Variants in HS6ST3 observed in about 807,000 individuals in gnomAD.
HS6ST3 encodes heparan-sulfate 6-O-sulfotransferase 3.
Under a neutral mutation model 36.7 loss-of-function variants are expected in HS6ST3, and 12 were observed. The ratio of observed to expected loss-of-function variants is 0.33; its 90% CI spans 0.21 to 0.53. HS6ST3 has a LOEUF of 0.53. Ranked by LOEUF, HS6ST3 falls within the 20% of genes least tolerant of loss-of-function variation. The pLI is 0.95. For missense variants in HS6ST3, 584 were observed against 640.9 expected (o/e 0.91, Z 0.96); for synonymous variants, 240 against 257.5 (o/e 0.93, Z 0.65).
intron 1 of HS6ST3, among the ~76,000 whole-genome samples, chr13:96,811,012 C>T (rs781667922): frequency 2.0e-5 from 3 of 152,058 alleles, no homozygotes; most frequent in African/African-American, 4.8e-5. Flanking sequence ...GATCCCCCCT[C>T]CCCCCAACTC....
intron 1 of HS6ST3, among the ~76,000 whole-genome samples, chr13:96,274,374 G>A (rs2054737274): frequency 1.3e-5 from 2 of 152,094 alleles, no homozygotes; most frequent in South Asian, 2.1e-4. Context: ...TAGGACCAAG[G>A]CAGTTTCCCT....
At chr13:96,375,180 A>G (rs986180478) in intron 1 of HS6ST3, among the ~76,000 whole-genome samples, 1 of 151,884 alleles carries the variant, frequency 6.6e-6, no homozygotes, top group African/African-American at 2.4e-5. Context: ...CTCACTCCAG[A>G]CTTAGCCAAA....
At chr13:96,549,246 T>A (rs2056209741) in intron 1 of HS6ST3, among the ~76,000 whole-genome samples, 1 of 152,194 alleles carries the variant, frequency 6.6e-6, no homozygotes. Flanking sequence ...TAAAAATGAT[T>A]CCTGGATGTG....
chr13:96,190,023 A>G (rs1483887699), intron 1 of HS6ST3, among the ~76,000 whole-genome samples: 2 of 152,172 alleles, frequency 1.3e-5, no homozygotes, highest in African/African-American at 2.4e-5. Flanking sequence ...AAAAATTCAT[A>G]ATATATTATA....
chr13:96,281,738 T>C (rs367949458), intron 1 of HS6ST3, among the ~76,000 whole-genome samples: 1 of 152,142 alleles, frequency 6.6e-6, no homozygotes, highest in Non-Finnish European at 1.5e-5. Flanking sequence ...AAAGAGAAAA[T>C]GAAGGAGTTA....
intron 1 of HS6ST3, among the ~76,000 whole-genome samples, chr13:96,378,480 C>T (rs2055325244): frequency 6.6e-6 from 1 of 152,208 alleles, no homozygotes; most frequent in South Asian, 2.1e-4. Context: ...AACTGTTCTA[C>T]CTGGTGACTT....
intron 1 of HS6ST3, among the ~76,000 whole-genome samples, chr13:96,500,739 T>C (rs1277701398): frequency 6.6e-6 from 1 of 152,222 alleles, no homozygotes; most frequent in Non-Finnish European, 1.5e-5. Flanking sequence ...TAATAAATTA[T>C]CACTCTGTGA....
chr13:96,720,302 G>A (rs1047484342), intron 1 of HS6ST3, among the ~76,000 whole-genome samples: 16 of 152,122 alleles, frequency 1.1e-4, no homozygotes, highest in African/African-American at 3.1e-4. Flanking sequence ...CTTACTCATA[G>A]TAACTTGGAT....
chr13:96,347,854 C>T (rs1055982082), intron 1 of HS6ST3, among the ~76,000 whole-genome samples: 13 of 152,286 alleles, frequency 8.5e-5, no homozygotes, highest in African/African-American at 2.2e-4. Flanking sequence ...GGGCTGAGTA[C>T]GCCGCTCTGT....
At chr13:96,186,016 T>G (rs1325072178) in intron 1 of HS6ST3, among the ~76,000 whole-genome samples, 1 of 152,208 alleles carries the variant, frequency 6.6e-6, no homozygotes, top group East Asian at 1.9e-4. Flanking sequence ...AGTGTATGTA[T>G]GTATGTGTGG....
intron 1 of HS6ST3, among the ~76,000 whole-genome samples, chr13:96,344,297 C>T (rs1304115442): frequency 6.6e-6 from 1 of 152,130 alleles, no homozygotes; most frequent in Admixed American, 6.5e-5. Context: ...TCATAAATTT[C>T]ACTTATGACT....
chr13:96,164,141 A>G (rs1301929534), intron 1 of HS6ST3, among the ~76,000 whole-genome samples: 1 of 152,104 alleles, frequency 6.6e-6, no homozygotes, highest in African/African-American at 2.4e-5. Flanking sequence ...TATTTTGCAA[A>G]TCCAGAAAGT....
intron 1 of HS6ST3, among the ~76,000 whole-genome samples, chr13:96,746,648 T>C (rs1211662728): frequency 1.3e-5 from 2 of 152,106 alleles, no homozygotes; most frequent in Admixed American, 1.3e-4. Flanking sequence ...GTTTGAGTCA[T>C]GAATATTAAT....
intron 1 of HS6ST3, among the ~76,000 whole-genome samples, chr13:96,194,241 T>C (rs766589193): frequency 3.9e-5 from 6 of 152,122 alleles, no homozygotes; most frequent in Non-Finnish European, 8.8e-5. Context: ...AGGAAATGCA[T>C]TGTGTCTGCC....
chr13:96,767,439 A>G (rs1437241916), intron 1 of HS6ST3, among the ~76,000 whole-genome samples: 1 of 152,220 alleles, frequency 6.6e-6, no homozygotes. Context: ...AGTGTGTGAT[A>G]TTGAAGTTAT....
chr13:96,597,604 G>C (rs1190000063), intron 1 of HS6ST3, among the ~76,000 whole-genome samples: 2 of 151,816 alleles, frequency 1.3e-5, no homozygotes, highest in Non-Finnish European at 2.9e-5. Context: ...CAAGTGTATA[G>C]TTTGCTAATA....
intron 1 of HS6ST3, among the ~76,000 whole-genome samples, chr13:96,275,857 T>C (rs1927787): frequency 0.34 from 50,263 of 147,102 alleles, 8,715 homozygotes; most frequent in Non-Finnish European, 0.39. Flanking sequence ...CTGTCTCTCT[T>C]TTTTTTTTTT....
At chr13:96,254,721 A>G (rs1348362547) in intron 1 of HS6ST3, among the ~76,000 whole-genome samples, 1 of 151,876 alleles carries the variant, frequency 6.6e-6, no homozygotes, top group East Asian at 1.9e-4. Flanking sequence ...GGAAAACTCA[A>G]AGGGAAGGAC....
At chr13:96,789,376 T>C (rs893254028) in intron 1 of HS6ST3, among the ~76,000 whole-genome samples, 1 of 151,812 alleles carries the variant, frequency 6.6e-6, no homozygotes, top group Non-Finnish European at 1.5e-5. Flanking sequence ...AGTCTGACAA[T>C]GTTACAATTT....
Sources: allele counts gnomAD v4.1 joint callset (sites outside exome capture counted in the v4.1 genomes callset), GRCh38; gene constraint gnomAD v4.1.1; transcripts MANE v1.5; gene names NCBI Gene and HGNC (gene_info 2026-07-23, HGNC 2026-07-21).